Variants in LGR4 observed in about 807,000 individuals in gnomAD.
The protein encoded by LGR4 is leucine rich repeat containing G protein-coupled receptor 4, also known as leucine-rich repeat-containing G protein-coupled receptor 4.
In LGR4, 44 loss-of-function variants were observed where a neutral mutation model predicts 84.8. That is an observed-to-expected ratio of 0.52 (90% CI 0.41 to 0.67). LGR4 has a LOEUF of 0.67. Ranked by LOEUF, LGR4 falls within the 30% of genes least tolerant of loss-of-function variation. The probability of loss-of-function intolerance (pLI) is 0.00; values close to 1 mark genes in which losing one functional copy is unlikely to be tolerated. For synonymous variants in LGR4, 429 were observed against 434.3 expected (o/e 0.99, Z 0.15); for missense variants, 1,032 against 1,131.4 (o/e 0.91, Z 1.26).
At position 27,380,576 on chromosome 11, in the gene LGR4, T is replaced by C. The variant is rs975897943; in HGVS notation, c.902+64A>G. The C allele has an allele frequency of 4.4e-6, 5 of 1,141,830 alleles. No individual in the cohort carries two copies. The African/African-American group carries it at 6.2e-5, about 14-fold the overall frequency. 70.7% of individuals were successfully genotyped at this position (1,141,830 alleles called of 1,614,324 possible). A position where few individuals can be genotyped will look rare whatever the true frequency, so the allele number is the denominator to read the frequency against. ...TGTTTTCTGGAGTTCCAGTAATAAATTCTTGTTTTCCACTAAAACAACTGT... is the reference window on the plus strand; with the variant it reads ...TGTTTTCTGGAGTTCCAGTAATAAACTCTTGTTTTCCACTAAAACAACTGT... On this transcript the variant is annotated intron_variant, in intron 9 of 17. Coordinates refer to ENST00000379214, the MANE Select transcript of LGR4 (RefSeq NM_018490.5).
chr11:27,458,775 G>A (rs1324376922), intron 1 of LGR4, among the ~76,000 whole-genome samples: 1 of 152,034 alleles, frequency 6.6e-6, no homozygotes, highest in East Asian at 1.9e-4. Context: ...CTGACCTCAG[G>A]TGATCCGCCC....
intron 2 of LGR4, among the ~76,000 whole-genome samples, chr11:27,394,426 G>A (rs183901903): frequency 7.9e-5 from 12 of 151,888 alleles, no homozygotes; most frequent in South Asian, 4.2e-4. Context: ...TTTTTGAGAC[G>A]GAGTCTCACT....
intron 1 of LGR4, among the ~76,000 whole-genome samples, chr11:27,460,541 CTAAGT>C (rs1864661817): frequency 6.6e-6 from 1 of 152,166 alleles, no homozygotes. Flanking sequence ...GCCAGCCATC[CTAAGT>C]TAATTCAAAC....
At position 27,380,597 on chromosome 11, in the gene LGR4, A is replaced by G. The variant is rs769064186; in HGVS notation, c.902+43T>C. 3.9e-6 allele frequency: 5 copies of G among 1,285,066 alleles called. No homozygotes were observed. In the Admixed American group the frequency reaches 9.7e-5, roughly 25 times the overall value. The allele number at this position is 1,285,066 out of a possible 1,614,324, so 79.6% of individuals were successfully genotyped here. The stretch of plus-strand genomic sequence containing the variant: ...TAAATTCTTGTTTTCCACTAAAACA[A>G]CTGTATAAATATCCAGGTTTGTTTT... On this transcript the variant is annotated intron_variant, in intron 9 of 17. Transcript: ENST00000379214.
intron 1 of LGR4, among the ~76,000 whole-genome samples, chr11:27,454,705 G>A (rs1032282919): frequency 6.0e-5 from 9 of 150,070 alleles, no homozygotes; most frequent in Admixed American, 4.0e-4. Flanking sequence ...TGGTTGCAGT[G>A]AGCCGAGATC....
intron 2 of LGR4, among the ~76,000 whole-genome samples, chr11:27,402,220 C>A (rs116403350): frequency 0.013 from 1,994 of 152,236 alleles, 45 homozygotes; most frequent in African/African-American, 0.046. Flanking sequence ...AGGGATAGAC[C>A]TGTGACCCCA....
At chr11:27,452,254 A>G (rs1211778875) in intron 1 of LGR4, among the ~76,000 whole-genome samples, 3 of 152,116 alleles carry the variant, frequency 2.0e-5, no homozygotes, top group Non-Finnish European at 4.4e-5. Context: ...TGTTGTTGTT[A>G]TTTTAAAAAA....
rs1390494189 is a variant in LGR4, at chr11:27,472,543, G to A, written c.-241C>T. On this transcript the variant is annotated 5_prime_UTR_variant, in exon 1 of 18. Transcript: ENST00000379214. ...GCAGAGGCAGCCCCGCTCCTCCGGC[G>A]GCTCACGCCAGCCGGGCCGGCCCGG... 5 of 385,056 alleles carry A rather than the reference G, an allele frequency of 1.3e-5. No individual in the cohort carries two copies. Among genetic ancestry groups the A allele is most frequent in the African/African-American group, 1.0e-4 (5 of 47,904 alleles). The allele number at this position is 385,056 out of a possible 1,614,324, so 23.9% of individuals were successfully genotyped here. A position where few individuals can be genotyped will look rare whatever the true frequency, so the allele number is the denominator to read the frequency against.
chr11:27,407,776 G>C (rs1374377692), intron 2 of LGR4, among the ~76,000 whole-genome samples: 1 of 152,028 alleles, frequency 6.6e-6, no homozygotes, highest in Non-Finnish European at 1.5e-5. Context: ...TTCTGAGTTT[G>C]ACAATCATCT....
Position 27,392,479 on chromosome 11 carries a change from C to T in LGR4, c.297G>A (p.Lys99=). Residue 99 remains lysine (K), a synonymous_variant, in exon 3 of 18, where the codon AAG becomes AAA. Transcript: ENST00000379214. ...AGNDLSFIHP[K]ALSGLKELKV... ...TGAGTTCTTTCAACCCAGACAAGGCCTTTGGGTGGATAAAAGAAAGGTCGT... is the reference window on the plus strand; with the variant it reads ...TGAGTTCTTTCAACCCAGACAAGGCTTTTGGGTGGATAAAAGAAAGGTCGT... The T allele has an allele frequency of 4.4e-6, 7 of 1,593,454 alleles. No homozygotes were observed. Among genetic ancestry groups the T allele is most frequent in the South Asian group, 1.2e-5 (1 of 86,094 alleles).
At position 27,372,417 on chromosome 11, in the gene LGR4, A is replaced by G. The variant is rs759853556; in HGVS notation, c.1380-19T>C. 2.9e-6 allele frequency: 4 copies of G among 1,379,590 alleles called. No homozygotes were observed. The Admixed American group carries it at 6.7e-5, about 23-fold the overall frequency. The allele number at this position is 1,379,590 out of a possible 1,614,324, so 85.5% of individuals were successfully genotyped here. ...TAAAGACCTGGAAAAAAAAGTTGTA[A>G]AATCTACACTGAACAGCAACTCCGC... On this transcript the variant is annotated intron_variant, in intron 15 of 17. Transcript: ENST00000379214.
At chr11:27,442,411 C>T (rs1455585896) in intron 1 of LGR4, among the ~76,000 whole-genome samples, 1 of 152,206 alleles carries the variant, frequency 6.6e-6, no homozygotes, top group African/African-American at 2.4e-5. Context: ...TACACAACTA[C>T]GTTACCTACC....
At chr11:27,375,435 G>A (rs1324459737) in intron 13 of LGR4, among the ~76,000 whole-genome samples, 1 of 152,172 alleles carries the variant, frequency 6.6e-6, no homozygotes, top group Non-Finnish European at 1.5e-5. Flanking sequence ...GCTTATGAGA[G>A]TACCTGGAAC....
Position 27,413,878 on chromosome 11 carries a change from C to T in LGR4, c.186-1018G>A, listed in dbSNP as rs149543999. Among the ~76,000 whole-genome samples, 6 of 152,184 alleles carry T rather than the reference C, an allele frequency of 3.9e-5. No individual in the cohort carries two copies. In the East Asian group the frequency reaches 5.8e-4, roughly 15 times the overall value. The stretch of plus-strand genomic sequence containing the variant: ...AGGTAAAATTTTCTTTTAAAGGAGG[C>T]GACACCTTCAGTATCATGCTAGGTA... On this transcript the variant is annotated intron_variant, in intron 1 of 17. Transcript: ENST00000379214.
At chr11:27,394,601 C>T (rs1316195784) in intron 2 of LGR4, among the ~76,000 whole-genome samples, 1 of 152,096 alleles carries the variant, frequency 6.6e-6, no homozygotes, top group African/African-American at 2.4e-5. Context: ...CGGGGTTTCA[C>T]CATGTTGGCC....
At chr11:27,394,962 G>A (rs1384062317) in intron 2 of LGR4, among the ~76,000 whole-genome samples, 2 of 152,016 alleles carry the variant, frequency 1.3e-5, no homozygotes. Flanking sequence ...GCTCCTCCTT[G>A]AAAATGCTCA....
At chr11:27,421,820 T>A (rs557090044) in intron 1 of LGR4, among the ~76,000 whole-genome samples, 1 of 152,236 alleles carries the variant, frequency 6.6e-6, no homozygotes, top group East Asian at 1.9e-4. Context: ...GTGTGGGATA[T>A]GTTCTAAAGA....
rs772737034 is a variant in LGR4 at position 27,368,753 on chromosome 11, T to C, written c.1970A>G (p.Asn657Ser). The C allele has an allele frequency of 2.5e-6, 4 of 1,613,850 alleles. No homozygotes were observed. Among genetic ancestry groups the C allele is most frequent in the African/African-American group, 1.3e-5 (1 of 74,900 alleles). ...AKDIMKNGKS[N>S]HLKQFRVAAL... The stretch of plus-strand genomic sequence containing the variant: ...AGCAACCCGGAACTGTTTGAGATGA[T>C]TGCTCTTCCCATTTTTCATTATATC... The change falls in exon 18 of 18, where the codon AAT becomes AGT. Residue 657 changes from asparagine (N) to serine (S), a missense_variant. By Grantham distance (46) the Asn-to-Ser change is conservative. Transcript: ENST00000379214.
Position 27,368,363 on chromosome 11 carries a change from A to G in LGR4, c.2360T>C (p.Leu787Pro), listed in dbSNP as rs560808325. 2 of 1,614,110 alleles carry G rather than the reference A, an allele frequency of 1.2e-6. No individual in the cohort carries two copies. The highest frequency in any genetic ancestry group is 1.7e-6 in the Non-Finnish European group (2 of 1,179,936). Residue 787 changes from leucine (L) to proline (P), a missense_variant, in exon 18 of 18, where the codon CTG becomes CCG. Physicochemically the swap from Leu to Pro is moderately conservative, Grantham distance 98 (BLOSUM62 -3). Transcript: ENST00000379214. ...ISPEIMKSVT[L>P]IFFPLPACLN... is the part of the protein sequence containing the mutation. ...GCAAGCAGGCAATGGAAAAAATATC[A>G]GAGTAACAGACTTCATTATTTCGGG...
Sources: gnomAD v4.1 joint callset for allele counts (sites outside exome capture counted in the v4.1 genomes callset) on GRCh38, gnomAD v4.1.1 for gene constraint, MANE v1.5 for transcripts, NCBI Gene and HGNC (gene_info 2026-07-23, HGNC 2026-07-21) for gene names.